FBXW11: variants seen among roughly 807,000 people sequenced by gnomAD.
FBXW11 encodes the protein F-box and WD repeat domain containing 11, also known as F-box/WD repeat-containing protein 11.
In FBXW11, 19 loss-of-function variants were observed where a neutral mutation model predicts 77.6. The observed-to-expected ratio is 0.24, with a 90% confidence interval of 0.17 to 0.36. The LOEUF (loss-of-function observed/expected upper bound fraction) is 0.36. Ranked by LOEUF, FBXW11 falls within the 10% of genes least tolerant of loss-of-function variation. The pLI is 1.00. For synonymous variants in FBXW11, 235 were observed against 249.4 expected, an observed-to-expected ratio of 0.94 and a Z score of 0.54; for missense variants, 334 against 704.2, an observed-to-expected ratio of 0.47 and a Z score of 5.95.
chr5:171,995,257 G>A (rs957043964), intron 1 of FBXW11, among the ~76,000 whole-genome samples: 12 of 152,128 alleles, frequency 7.9e-5, no homozygotes, highest in Admixed American at 6.6e-5. Flanking sequence ...AAATACTGAG[G>A]AGGAACTGAG....
At position 172,006,569 on chromosome 5, in the gene FBXW11, C is replaced by CAGA. The variant is rs1185048438; in HGVS notation, c.-68_-67insTCT. On this transcript the variant is annotated 5_prime_UTR_variant, in exon 1 of 14. Coordinates refer to ENST00000517395, the MANE Select transcript of FBXW11 (RefSeq NM_001378974.1). ...CGAACGGCCCGGGCGGAGGAGGCGA[C>CAGA]GGCGGAGGCGGCAGAGGCGGAGGCG... 7.7e-6 allele frequency: 11 copies of CAGA among 1,432,386 alleles called. No homozygotes were observed. The highest frequency in any genetic ancestry group is 1.0e-5 in the Non-Finnish European group (11 of 1,089,958). 88.7% of individuals were successfully genotyped at this position (1,432,386 alleles called of 1,614,324 possible).
chr5:171,923,777 TAATC>T (rs1205827858), intron 2 of FBXW11, among the ~76,000 whole-genome samples: 10 of 152,102 alleles, frequency 6.6e-5, no homozygotes, highest in Non-Finnish European at 1.5e-4. Flanking sequence ...ATGTTTCTTA[TAATC>T]AATATCTTAC....
At chr5:171,923,312 T>C (rs1002095999) in intron 2 of FBXW11, among the ~76,000 whole-genome samples, 1 of 152,210 alleles carries the variant, frequency 6.6e-6, no homozygotes, top group African/African-American at 2.4e-5. Context: ...CTCAAATATA[T>C]TATTACAAAG....
intron 2 of FBXW11, among the ~76,000 whole-genome samples, chr5:171,931,170 C>T (rs1762172464): frequency 6.6e-6 from 1 of 152,102 alleles, no homozygotes; most frequent in Admixed American, 6.5e-5. Flanking sequence ...ATTGAAATGA[C>T]TCTAAGGTTT....
At chr5:171,944,749 T>C (rs1395730963) in intron 2 of FBXW11, among the ~76,000 whole-genome samples, 1 of 152,196 alleles carries the variant, frequency 6.6e-6, no homozygotes, top group African/African-American at 2.4e-5. Context: ...AAATACAGTC[T>C]GATTTGAAGA....
At chr5:171,905,593 C>CCA (rs1554098636) in intron 4 of FBXW11, among the ~76,000 whole-genome samples, 6 of 100,536 alleles carry the variant, frequency 6.0e-5, no homozygotes, top group Non-Finnish European at 1.3e-4. Flanking sequence ...AAGCTAACCC[C>CCA]CCCCCCTTTA....
intron 7 of FBXW11, among the ~76,000 whole-genome samples, chr5:171,888,849 T>C (rs780337384): frequency 9.9e-5 from 15 of 152,022 alleles, no homozygotes; most frequent in South Asian, 2.1e-4. Context: ...AGCAGAGAAA[T>C]AGAAACTGTA....
At chr5:171,899,829 G>C in intron 5 of FBXW11, 85 bp downstream of exon 5, 2 of 1,207,808 alleles carry the variant, frequency 1.7e-6, no homozygotes, top group East Asian at 2.4e-5. Context: ...CAGCACATTT[G>C]CAAGTATAAT....
intron 1 of FBXW11, chr5:171,997,132 G>T: frequency 8.4e-7 from 1 of 1,186,292 alleles, no homozygotes; most frequent in Non-Finnish European, 1.1e-6. Flanking sequence ...GGAAGGAAGG[G>T]TCAATGGAAT....
At chr5:171,957,512 T>A in intron 2 of FBXW11, 85 bp downstream of exon 2, 1 of 1,207,384 alleles carries the variant, frequency 8.3e-7, no homozygotes, top group Non-Finnish European at 1.2e-6. Context: ...AGACTTAACA[T>A]TGGATTAAAC....
At chr5:171,888,954 T>C (rs749691223) in intron 7 of FBXW11, among the ~76,000 whole-genome samples, 56 of 152,122 alleles carry the variant, frequency 3.7e-4, no homozygotes, top group African/African-American at 1.3e-3. Flanking sequence ...AACTTGAAGA[T>C]AGGCCAATAG....
chr5:171,970,264 T>C (rs2113413317), intron 1 of FBXW11, among the ~76,000 whole-genome samples: 1 of 152,268 alleles, frequency 6.6e-6, no homozygotes, highest in South Asian at 2.1e-4. Flanking sequence ...CCCCATTCTG[T>C]TCTTGGTATA....
chr5:171,873,520 T>C (rs1757884829), intron 9 of FBXW11, among the ~76,000 whole-genome samples: 1 of 152,140 alleles, frequency 6.6e-6, no homozygotes. Flanking sequence ...CATGCACCTG[T>C]GGTCCCAGCT....
rs1039221991 is a variant in FBXW11 at position 171,970,355 on chromosome 5, T to G, written c.46-12657A>C. 2.0e-5 allele frequency among the ~76,000 whole-genome samples: 3 copies of G among 152,316 alleles called. No homozygotes were observed. In the East Asian group the frequency reaches 5.8e-4, roughly 29 times the overall value. On this transcript the variant is annotated intron_variant, in intron 1 of 13. Transcript: ENST00000517395. ...CTCTCACCTGCCACCATGTAAGACA[T>G]GCCTGCTTCCCCTTCCACCATGCTT...
At chr5:171,883,120 C>A (rs986453205) in intron 7 of FBXW11, among the ~76,000 whole-genome samples, 15 of 152,188 alleles carry the variant, frequency 9.9e-5, no homozygotes, top group African/African-American at 3.6e-4. Context: ...TTAATTCATT[C>A]CTTTATATGG....
At chr5:171,979,932 G>T (rs946832382) in intron 1 of FBXW11, among the ~76,000 whole-genome samples, 1 of 152,166 alleles carries the variant, frequency 6.6e-6, no homozygotes. Flanking sequence ...TATTTGTCCC[G>T]ATTGGCTAGC....
In FBXW11 at chr5:171,869,791, C is replaced by A; in HGVS notation, c.1468G>T (p.Asp490Tyr). The A allele has an allele frequency of 6.2e-7, 1 of 1,608,746 alleles. No homozygotes were observed. The highest frequency in any genetic ancestry group is 8.5e-7 in the Non-Finnish European group (1 of 1,177,238). Reference protein sequence around the residue: ...GAYDGKIKVWDLQAALDPRAP... With the variant: ...GAYDGKIKVWYLQAALDPRAP... ...CGAGGGTCAAGAGCAGCTTGCAAGT[C>A]CCAAACTTTAATTTTCCTAGAAAGG... The change falls in exon 12 of 14, where the codon GAC (aspartate) becomes TAC (tyrosine). Residue 490 changes from aspartate to tyrosine, a missense_variant. Asp to Tyr is a radical substitution (Grantham distance 160). This residue lies in a region of FBXW11 where 30 missense variants were observed against 50.7 expected (regional missense o/e 0.59). Coordinates refer to ENST00000517395, the MANE Select transcript of FBXW11 (RefSeq NM_001378974.1). This position sits in a 1 kb window ranked among gnomAD's most constrained non-coding sequence, Gnocchi z 4.1.
At chr5:171,946,695 C>T (rs1157151014) in intron 2 of FBXW11, among the ~76,000 whole-genome samples, 4 of 151,736 alleles carry the variant, frequency 2.6e-5, no homozygotes, top group Non-Finnish European at 5.9e-5. Flanking sequence ...GCTCAAATGG[C>T]TTTCCCTCTT....
intron 1 of FBXW11, among the ~76,000 whole-genome samples, chr5:171,960,490 C>T (rs17074197): frequency 0.022 from 3,278 of 152,224 alleles, 120 homozygotes; most frequent in African/African-American, 0.074. Context: ...GTTCCCTCTG[C>T]AAGGGTTAAT....
Sources: gnomAD v4.1 joint callset for allele counts (sites outside exome capture counted in the v4.1 genomes callset) on GRCh38, gnomAD v4.1.1 for gene constraint, gnomAD v4.1.1 regional missense constraint, Gnocchi (gnomAD v3.1) non-coding constraint, MANE v1.5 for transcripts, NCBI Gene and HGNC (gene_info 2026-07-23, HGNC 2026-07-21) for gene names.